The following TSPAN9 variants were observed in gnomAD, a reference collection of about 807,000 sequenced individuals.
The protein encoded by TSPAN9 is tetraspanin 9.
TSPAN9 carries 16 observed loss-of-function variants against 31.0 expected under a neutral mutation model. The observed-to-expected ratio is 0.52, with a 90% CI of 0.35 to 0.78. The LOEUF is 0.78. TSPAN9 is among the 30% of genes least tolerant of loss of function. The pLI is 0.01. For missense variants in TSPAN9, 272 were observed against 312.5 expected, an observed-to-expected ratio of 0.87 and a Z score of 0.98; for synonymous variants, 145 against 121.6, an observed-to-expected ratio of 1.19 and a Z score of -1.27.
At chr12:3,202,479 G>A (rs973689672) in intron 3 of TSPAN9, among the ~76,000 whole-genome samples, 3 of 152,210 alleles carry the variant, frequency 2.0e-5, no homozygotes, top group African/African-American at 7.2e-5. Context: ...AATGACAAGC[G>A]CAGGAAGAAG....
chr12:3,116,962 G>C (rs1255439671), intron 2 of TSPAN9, among the ~76,000 whole-genome samples: 6 of 152,200 alleles, frequency 3.9e-5, no homozygotes, highest in African/African-American at 1.2e-4. Context: ...GAGGGGTAGA[G>C]GGACATCCCC....
rs1371197261 is a variant in TSPAN9, at chr12:3,187,347, T to G, written c.-17-13830T>G. Among the ~76,000 whole-genome samples the G allele has an allele frequency of 1.3e-5, 2 of 152,160 alleles. No individual in the cohort carries two copies. Among genetic ancestry groups the G allele is most frequent in the African/African-American group, 4.8e-5 (2 of 41,432 alleles). On this transcript the variant is annotated intron_variant, in intron 2 of 8. Transcript: ENST00000011898. This position sits in a 1 kb window ranked among gnomAD's most constrained non-coding sequence, Gnocchi z 5.2. ...CTGGGTAATCCTAAATGCATGAGTG[T>G]CCTCTCAGCCTGCTTCCTTCCTTCC...
intron 2 of TSPAN9, among the ~76,000 whole-genome samples, chr12:3,169,727 A>G (rs1403558059): frequency 6.6e-6 from 1 of 152,158 alleles, no homozygotes; most frequent in Non-Finnish European, 1.5e-5. Flanking sequence ...TTGTTGGAGG[A>G]GTGGGAACCA....
intron 3 of TSPAN9, among the ~76,000 whole-genome samples, chr12:3,275,787 A>G (rs745776770): frequency 1.3e-5 from 2 of 152,152 alleles, no homozygotes; most frequent in Non-Finnish European, 2.9e-5. Context: ...CACTCTCCAC[A>G]GTGTGAAGGA....
In TSPAN9 at chr12:3,187,654, A is replaced by G. The variant is rs2098362095; in HGVS notation, c.-17-13523A>G. Among the ~76,000 whole-genome samples the G allele has an allele frequency of 6.6e-6, 1 of 151,980 alleles. No individual in the cohort carries two copies. Among genetic ancestry groups the G allele is most frequent in the African/African-American group, 2.4e-5 (1 of 41,374 alleles). On this transcript the variant is annotated intron_variant, in intron 2 of 8. Coordinates refer to ENST00000011898, the MANE Select transcript of TSPAN9 (RefSeq NM_006675.5). The surrounding 1 kb of genome is among the most constrained non-coding windows in gnomAD (Gnocchi z 5.2). The stretch of plus-strand genomic sequence containing the variant: ...CAGGGGTGGGTGAGGGCCAGATGTG[A>G]TCATTAGTGTGAGAGCCCCTCAAAA...
At chr12:3,140,699 T>C (rs1410609144) in intron 2 of TSPAN9, among the ~76,000 whole-genome samples, 2 of 151,386 alleles carry the variant, frequency 1.3e-5, no homozygotes, top group African/African-American at 4.9e-5. Flanking sequence ...AGTCAAAGGG[T>C]AGTTTGGAGT....
intron 3 of TSPAN9, among the ~76,000 whole-genome samples, chr12:3,268,644 G>A (rs1862593219): frequency 7.8e-6 from 1 of 127,496 alleles, no homozygotes; most frequent in South Asian, 2.8e-4. Flanking sequence ...GTGCGTTCCT[G>A]CAGCCTGCCC....
At chr12:3,186,548 G>GTGTA (rs1213708921) in intron 2 of TSPAN9, among the ~76,000 whole-genome samples, 2 of 27,900 alleles carry the variant, frequency 7.2e-5, no homozygotes, top group Non-Finnish European at 2.0e-4. Flanking sequence ...GAGTTTGTTT[G>GTGTA]TGTGTGTGTG....
At chr12:3,216,389 C>G (rs967629048) in intron 3 of TSPAN9, among the ~76,000 whole-genome samples, 4 of 152,164 alleles carry the variant, frequency 2.6e-5, no homozygotes, top group Non-Finnish European at 5.9e-5. Flanking sequence ...CCGAGATGTC[C>G]AAGCTCACAC....
At chr12:3,138,130 G>C (rs1168927764) in intron 2 of TSPAN9, among the ~76,000 whole-genome samples, 1 of 152,018 alleles carries the variant, frequency 6.6e-6, no homozygotes, top group Admixed American at 6.6e-5. Flanking sequence ...AGCGGTGCCC[G>C]TTCTGGAATG....
intron 2 of TSPAN9, among the ~76,000 whole-genome samples, chr12:3,088,287 A>G (rs2098301709): frequency 6.6e-6 from 1 of 152,238 alleles, no homozygotes; most frequent in African/African-American, 2.4e-5. Flanking sequence ...CAGGAAAACA[A>G]TTAGGTTTGA....
chr12:3,138,632 C>CA (rs11295678), intron 2 of TSPAN9, among the ~76,000 whole-genome samples: 2 of 149,954 alleles, frequency 1.3e-5, no homozygotes, highest in African/African-American at 4.9e-5. Flanking sequence ...ATCCGCCATA[C>CA]AAAAAAAAAA....
At chr12:3,144,179 C>T (rs1365372869) in intron 2 of TSPAN9, among the ~76,000 whole-genome samples, 1 of 152,134 alleles carries the variant, frequency 6.6e-6, no homozygotes, top group African/African-American at 2.4e-5. Flanking sequence ...TGGCTCAGTG[C>T]AACCTCCACC....
intron 1 of TSPAN9, among the ~76,000 whole-genome samples, chr12:3,079,945 A>AATT (rs1555138024): frequency 0.045 from 6,246 of 140,334 alleles, 148 homozygotes; most frequent in Non-Finnish European, 0.065. Flanking sequence ...AATTAAAAAA[A>AATT]TTTTTTTTTT....
intron 3 of TSPAN9, among the ~76,000 whole-genome samples, chr12:3,210,130 T>C (rs1192086442): frequency 1.6e-5 from 1 of 64,508 alleles, no homozygotes; most frequent in East Asian, 5.4e-4. Context: ...CAAGACTCCG[T>C]CTCAAAAAAA....
At chr12:3,208,506 G>T (rs1251622693) in intron 3 of TSPAN9, among the ~76,000 whole-genome samples, 1 of 152,194 alleles carries the variant, frequency 6.6e-6, no homozygotes, top group East Asian at 1.9e-4. Context: ...GACCCAGCCA[G>T]CTGGGCTGGT....
At chr12:3,103,833 G>T (rs1007152497) in intron 2 of TSPAN9, among the ~76,000 whole-genome samples, 3 of 152,162 alleles carry the variant, frequency 2.0e-5, no homozygotes, top group Non-Finnish European at 4.4e-5. Context: ...CACTGCTCCC[G>T]GCTCTGGGGC....
At chr12:3,177,103 A>T (rs1271356441) in intron 2 of TSPAN9, among the ~76,000 whole-genome samples, 2 of 151,454 alleles carry the variant, frequency 1.3e-5, no homozygotes, top group Non-Finnish European at 2.9e-5. Context: ...TGTTTAAATA[A>T]AAAAAAAAAT....
chr12:3,240,364 C>T (rs1049812701), intron 3 of TSPAN9, among the ~76,000 whole-genome samples: 1 of 152,120 alleles, frequency 6.6e-6, no homozygotes, highest in Non-Finnish European at 1.5e-5. Flanking sequence ...GTGGATGGTC[C>T]TTGAGGCGTG....
Sources: allele counts gnomAD v4.1 joint callset (sites outside exome capture counted in the v4.1 genomes callset), GRCh38; gene constraint gnomAD v4.1.1; non-coding constraint Gnocchi (gnomAD v3.1); transcripts MANE v1.5; gene names NCBI Gene and HGNC (gene_info 2026-07-23, HGNC 2026-07-21).